The following ARMC3 variants were observed in gnomAD, a reference collection of about 807,000 sequenced individuals.
ARMC3 encodes armadillo repeat containing 3, also known as armadillo repeat-containing protein 3.
Under a neutral mutation model 90.3 loss-of-function variants are expected in ARMC3, and 74 were observed. The ratio of observed to expected loss-of-function variants is 0.82; its 90% CI spans 0.68 to 0.99. The LOEUF is 0.99. Ranked by LOEUF, ARMC3 falls within the 50% of genes least tolerant of loss-of-function variation. The pLI is 0.00. For synonymous variants in ARMC3, 334 were observed against 361.8 expected (o/e 0.92, Z 0.87); for missense variants, 958 against 1,042.8 (o/e 0.92, Z 1.12).
At chr10:23,010,460 T>C (rs111068299) in intron 16 of ARMC3, among the ~76,000 whole-genome samples, 35 of 2,242 alleles carry the variant, frequency 0.016, no homozygotes, top group South Asian at 0.031. Flanking sequence ...CTTTCCCTCC[T>C]CCCTCCTTCC....
intron 3 of ARMC3, among the ~76,000 whole-genome samples, chr10:22,949,995 A>G (rs758194029): frequency 6.6e-6 from 1 of 152,152 alleles, no homozygotes; most frequent in African/African-American, 2.4e-5. Flanking sequence ...TAAAAGAATA[A>G]AAGAAAAATA....
At chr10:23,023,202 C>G (rs527692173) in intron 16 of ARMC3, among the ~76,000 whole-genome samples, 1 of 152,130 alleles carries the variant, frequency 6.6e-6, no homozygotes, top group African/African-American at 2.4e-5. Context: ...GGAAACCCCT[C>G]GTATTCCTTC....
At chr10:23,022,046 G>T (rs190936323) in intron 16 of ARMC3, among the ~76,000 whole-genome samples, 5 of 151,990 alleles carry the variant, frequency 3.3e-5, no homozygotes, top group Admixed American at 2.6e-4. Context: ...CTGCTTCTTG[G>T]TGAATGCCTT....
intron 10 of ARMC3, among the ~76,000 whole-genome samples, chr10:22,993,574 A>G (rs1564377958): frequency 6.6e-6 from 1 of 152,154 alleles, no homozygotes; most frequent in Non-Finnish European, 1.5e-5. Context: ...ACTCACCTTG[A>G]GTTGATTCGA....
At chr10:22,950,431 A>G (rs1834700566) in intron 3 of ARMC3, among the ~76,000 whole-genome samples, 1 of 152,152 alleles carries the variant, frequency 6.6e-6, no homozygotes, top group South Asian at 2.1e-4. Flanking sequence ...GTGTTAAGTT[A>G]AAGATGTATA....
chr10:22,968,280 A>T, intron 7 of ARMC3, 26 bp from the exon 8 acceptor site: 2 of 1,600,248 alleles, frequency 1.2e-6, no homozygotes, highest in South Asian at 2.2e-5. Flanking sequence ...ACAACTTTCT[A>T]AAGTTGTATT....
chr10:23,020,114 T>TTTTTGTTTTG (rs964385176), intron 16 of ARMC3, among the ~76,000 whole-genome samples: 3 of 151,922 alleles, frequency 2.0e-5, no homozygotes, highest in African/African-American at 7.3e-5. Flanking sequence ...TGAATGTAAG[T>TTTTTGTTTTG]TTTTGTTTTG....
chr10:23,011,618 C>T (rs772162221), intron 16 of ARMC3, among the ~76,000 whole-genome samples: 4 of 152,148 alleles, frequency 2.6e-5, no homozygotes, highest in Non-Finnish European at 4.4e-5. Flanking sequence ...ATCTCTCTTC[C>T]CCTCTCTCTT....
At chr10:22,966,051 G>A (rs970940685) in intron 7 of ARMC3, among the ~76,000 whole-genome samples, 10 of 152,180 alleles carry the variant, frequency 6.6e-5, no homozygotes, top group African/African-American at 2.4e-4. Flanking sequence ...ATACTTTCTA[G>A]TGATTCCAGA....
chr10:22,982,308 G>A (rs1056134932), intron 10 of ARMC3, among the ~76,000 whole-genome samples: 1 of 152,224 alleles, frequency 6.6e-6, no homozygotes, highest in African/African-American at 2.4e-5. Context: ...AACCCCGGAG[G>A]TGGAGGTTGC....
intron 8 of ARMC3, among the ~76,000 whole-genome samples, chr10:22,973,783 G>C (rs1359425361): frequency 9.8e-6 from 1 of 101,898 alleles, no homozygotes; most frequent in Non-Finnish European, 1.8e-5. Context: ...TTTTGAGACA[G>C]AATCTCGCTC....
At chr10:22,996,053 A>C (rs1412358036) in intron 10 of ARMC3, among the ~76,000 whole-genome samples, 1 of 152,192 alleles carries the variant, frequency 6.6e-6, no homozygotes, top group Non-Finnish European at 1.5e-5. Flanking sequence ...TATTTGGTTT[A>C]AGGGGCTGAT....
intron 16 of ARMC3, among the ~76,000 whole-genome samples, chr10:23,015,870 A>G (rs955938929): frequency 1.3e-5 from 2 of 152,196 alleles, no homozygotes; most frequent in Non-Finnish European, 2.9e-5. Context: ...CATTCATTCA[A>G]CAAATACTTA....
chr10:22,965,973 T>A (rs1009697558), intron 7 of ARMC3, among the ~76,000 whole-genome samples: 1 of 152,198 alleles, frequency 6.6e-6, no homozygotes, highest in African/African-American at 2.4e-5. Context: ...ATTGACTGAC[T>A]TTTTTCTGAC....
intron 2 of ARMC3, among the ~76,000 whole-genome samples, chr10:22,941,312 T>A (rs138050164): frequency 1.3e-5 from 2 of 152,312 alleles, no homozygotes; most frequent in East Asian, 3.9e-4. Context: ...TCTATACAGA[T>A]GTATACATTC....
intron 8 of ARMC3, among the ~76,000 whole-genome samples, chr10:22,980,623 A>C (rs1300747938): frequency 6.6e-6 from 1 of 152,162 alleles, no homozygotes; most frequent in Non-Finnish European, 1.5e-5. Flanking sequence ...AAAAAAATCA[A>C]ATGAAGCCAA....
chr10:22,975,424 G>A lies in ARMC3; in HGVS notation c.917-5916G>A, dbSNP rs534032072. ...CTAAAAATACAAAAAAATTAGCCAGGTGTAGTGATACATGCTTGTAATCCC... is the reference window on the plus strand; with the variant it reads ...CTAAAAATACAAAAAAATTAGCCAGATGTAGTGATACATGCTTGTAATCCC... On this transcript the variant is annotated intron_variant, in intron 8 of 18. Coordinates refer to ENST00000298032, the MANE Select transcript of ARMC3 (RefSeq NM_173081.5). 6.6e-5 allele frequency among the ~76,000 whole-genome samples: 10 copies of A among 152,232 alleles called. No individual in the cohort carries two copies. In the South Asian group the frequency reaches 2.1e-3, roughly 32 times the overall value.
chr10:22,976,457 G>A (rs1835926376), intron 8 of ARMC3, among the ~76,000 whole-genome samples: 1 of 152,142 alleles, frequency 6.6e-6, no homozygotes, highest in Non-Finnish European at 1.5e-5. Flanking sequence ...AATCCACACT[G>A]CTGATTGCCC....
At chr10:23,013,124 C>T (rs1838097746) in intron 16 of ARMC3, among the ~76,000 whole-genome samples, 2 of 152,084 alleles carry the variant, frequency 1.3e-5, no homozygotes, top group Non-Finnish European at 2.9e-5. Context: ...GTCTCAAACT[C>T]CTGGCCTCAC....
Sources: gnomAD v4.1 joint callset for allele counts (sites outside exome capture counted in the v4.1 genomes callset) on GRCh38, gnomAD v4.1.1 for gene constraint, MANE v1.5 for transcripts, NCBI Gene and HGNC (gene_info 2026-07-23, HGNC 2026-07-21) for gene names.